The following STPG4 variants were observed in gnomAD, a reference collection of about 807,000 sequenced individuals.
STPG4 encodes the protein protein STPG4.
STPG4 carries 41 observed loss-of-function variants against 31.5 expected under a neutral mutation model. The observed-to-expected ratio is 1.30, with a 90% CI of 1.01 to 1.69. The LOEUF is 1.69. Among genes scored for constraint, STPG4 ranks in the 40% most tolerant of loss-of-function variants. The pLI is 0.00. For missense variants in STPG4, 375 were observed against 293.4 expected (o/e 1.28, Z -2.03); for synonymous variants, 141 against 103.0 (o/e 1.37, Z -2.24).
At chr2:47,120,435 G>T (rs1416458121) in intron 5 of STPG4, among the ~76,000 whole-genome samples, 1 of 152,000 alleles carries the variant, frequency 6.6e-6, no homozygotes, top group Non-Finnish European at 1.5e-5. Context: ...AGAAATTTAG[G>T]ATAAGAATGT....
At position 47,151,484 on chromosome 2, in the gene STPG4, T is replaced by C. The variant is rs745678767; in HGVS notation, c.173A>G (p.Lys58Arg). The change falls in exon 3 of 7, where the codon AAA becomes AGA. Residue 58 changes from lysine to arginine, a missense_variant. By Grantham distance (26) the Lys-to-Arg change is conservative. Transcript: ENST00000445927. ...DTPIPGTYHLKTFIEESLLNP... is the reference protein window; with the variant it reads ...DTPIPGTYHLRTFIEESLLNP... ...TAATAGGGATTCTTCAATAAAAGTT[T>C]TCAAGTGGTAAGTGCCAGGTATAGG... The C allele has an allele frequency of 6.2e-6, 10 of 1,614,050 alleles. No homozygotes were observed. The South Asian group carries it at 7.7e-5, about 12-fold the overall frequency.
At chr2:47,136,291 G>T (rs571417897) in intron 3 of STPG4, among the ~76,000 whole-genome samples, 6 of 152,032 alleles carry the variant, frequency 3.9e-5, no homozygotes, top group Admixed American at 6.6e-5. Flanking sequence ...GGTTATGGGC[G>T]CCTGCCACCA....
At position 47,138,939 on chromosome 2, in the gene STPG4, C is replaced by T. The variant is rs540646138; in HGVS notation, c.400-8679G>A. Among the ~76,000 whole-genome samples, 6 of 152,324 alleles carry T rather than the reference C, an allele frequency of 3.9e-5. No individual in the cohort carries two copies. In the East Asian group the frequency reaches 9.6e-4, roughly 24 times the overall value. ...ACCTCAAGTGATCCACCTGCCTTGG[C>T]CTCCCAATGTGCTGGGATTACAGGT... On this transcript the variant is annotated intron_variant, in intron 3 of 6. Transcript: ENST00000445927.
intron 5 of STPG4, among the ~76,000 whole-genome samples, chr2:47,120,466 C>G (rs1686245289): frequency 6.6e-6 from 1 of 152,094 alleles, no homozygotes. Flanking sequence ...ATTCAGGAGG[C>G]TGAAGCAGGA....
chr2:47,130,975 C>T (rs1248332639), intron 3 of STPG4, among the ~76,000 whole-genome samples: 2 of 150,804 alleles, frequency 1.3e-5, no homozygotes, highest in Non-Finnish European at 2.9e-5. Context: ...CCACTGCACC[C>T]AGCTACTTTT....
At chr2:47,120,229 G>A (rs929281566) in intron 5 of STPG4, among the ~76,000 whole-genome samples, 4 of 152,190 alleles carry the variant, frequency 2.6e-5, no homozygotes, top group South Asian at 2.1e-4. Flanking sequence ...TACTAGGGAG[G>A]CTGAGGCAGG....
intron 5 of STPG4, among the ~76,000 whole-genome samples, chr2:47,123,918 C>CTT (rs1686318986): frequency 6.6e-6 from 1 of 152,120 alleles, no homozygotes; most frequent in Non-Finnish European, 1.5e-5. Context: ...TCCATCACCT[C>CTT]AAGCATTTAT....
rs1369341373 is a variant in STPG4, at chr2:47,151,186, C to T, written c.399+72G>A. On this transcript the variant is annotated intron_variant, in intron 3 of 6. Coordinates refer to ENST00000445927, the MANE Select transcript of STPG4 (RefSeq NM_001163561.2). Reference sequence around the variant, plus strand: ...TTCTCCTGGGGGAAGATATACTCTACGTATAAAAATACTTTCCTCAGGGGC... The same window carrying T: ...TTCTCCTGGGGGAAGATATACTCTATGTATAAAAATACTTTCCTCAGGGGC... 4.1e-5 allele frequency: 64 copies of T among 1,543,332 alleles called. 1 individual carries two copies. Among genetic ancestry groups the T allele is most frequent in the South Asian group, 2.5e-4 (21 of 83,472 alleles).
chr2:47,098,046 A>G (rs1685710891), intron 5 of STPG4, among the ~76,000 whole-genome samples: 1 of 152,160 alleles, frequency 6.6e-6, no homozygotes, highest in Non-Finnish European at 1.5e-5. Context: ...TGAACATGAG[A>G]ATGGTTTTTA....
At chr2:47,104,802 C>T (rs1039160636) in intron 5 of STPG4, among the ~76,000 whole-genome samples, 1 of 151,976 alleles carries the variant, frequency 6.6e-6, no homozygotes, top group Non-Finnish European at 1.5e-5. Context: ...ATCAAGGGTA[C>T]AAGGTGTCTA....
At position 47,151,766 on chromosome 2, in the gene STPG4, A is replaced by G. The variant is rs1331481772; in HGVS notation, c.142-251T>C. On this transcript the variant is annotated intron_variant, in intron 2 of 6. Transcript: ENST00000445927. ...TAACTTTTTTTTTTTTTTGAGACAG[A>G]GTCCCACTCTGTCACCCAGGCTGGA... Among the ~76,000 whole-genome samples the G allele has an allele frequency of 2.6e-5, 4 of 151,174 alleles. No individual in the cohort carries two copies. The East Asian group carries it at 5.8e-4, about 22-fold the overall frequency.
intron 5 of STPG4, among the ~76,000 whole-genome samples, chr2:47,097,746 C>T (rs1442401296): frequency 6.6e-6 from 1 of 152,172 alleles, no homozygotes; most frequent in Non-Finnish European, 1.5e-5. Flanking sequence ...TATTTTGTTA[C>T]AGCAGCAGGA....
chr2:47,132,905 C>G (rs1356248106), intron 3 of STPG4, among the ~76,000 whole-genome samples: 4 of 152,076 alleles, frequency 2.6e-5, no homozygotes, highest in Non-Finnish European at 5.9e-5. Context: ...ATGAAGTGCT[C>G]ATGGAAAAAC....
rs532664810 is a variant in STPG4, at chr2:47,129,591, G to A, written c.519+350C>T. On this transcript the variant is annotated intron_variant, in intron 5 of 6. Coordinates refer to ENST00000445927, the MANE Select transcript of STPG4 (RefSeq NM_001163561.2). ...CGGTGTTCCCGTGCAAAGTCCCCCC[G>A]TCACGGCATTCCCTCTTCCCCAAGG... 15 of 220,056 alleles carry A rather than the reference G, an allele frequency of 6.8e-5. No homozygotes were observed. The South Asian group carries it at 7.7e-4, about 11-fold the overall frequency. 13.6% of individuals were successfully genotyped at this position (220,056 alleles called of 1,614,324 possible).
At chr2:47,101,946 G>T (rs879727152) in intron 5 of STPG4, among the ~76,000 whole-genome samples, 2 of 151,634 alleles carry the variant, frequency 1.3e-5, no homozygotes, top group Non-Finnish European at 2.9e-5. Flanking sequence ...AGAATGTGTC[G>T]GTAAGGGCCA....
intron 5 of STPG4, among the ~76,000 whole-genome samples, chr2:47,110,179 A>G (rs1262200052): frequency 1.3e-5 from 2 of 152,246 alleles, no homozygotes; most frequent in East Asian, 3.8e-4. Flanking sequence ...CATCATACGA[A>G]TGACTGAGTC....
At chr2:47,099,033 C>G (rs1275479912) in intron 5 of STPG4, among the ~76,000 whole-genome samples, 2 of 152,178 alleles carry the variant, frequency 1.3e-5, no homozygotes, top group African/African-American at 4.8e-5. Flanking sequence ...TGAAGTCTAC[C>G]TTGGTACTGT....
At chr2:47,101,628 G>C (rs976444099) in intron 5 of STPG4, among the ~76,000 whole-genome samples, 1 of 151,698 alleles carries the variant, frequency 6.6e-6, no homozygotes, top group Non-Finnish European at 1.5e-5. Flanking sequence ...AGGCACCCGG[G>C]TTCACCAATC....
chr2:47,108,003 C>T (rs1031168470), intron 5 of STPG4, among the ~76,000 whole-genome samples: 4 of 150,844 alleles, frequency 2.7e-5, no homozygotes, highest in Non-Finnish European at 5.9e-5. Flanking sequence ...ATACACCAAT[C>T]AGCACCCTGT....
Sources: allele counts gnomAD v4.1 joint callset (sites outside exome capture counted in the v4.1 genomes callset), GRCh38; gene constraint gnomAD v4.1.1; transcripts MANE v1.5; gene names NCBI Gene and HGNC (gene_info 2026-07-23, HGNC 2026-07-21).